Variants in XRCC6 observed in about 807,000 individuals in gnomAD.
XRCC6 encodes the protein DNA repair protein Ku70.
XRCC6 carries 5 observed loss-of-function variants against 65.7 expected under a neutral mutation model. The observed-to-expected ratio is 0.08, with a 90% CI of 0.04 to 0.16. XRCC6 has a LOEUF of 0.16. Ranked by LOEUF, XRCC6 falls within the 10% of genes least tolerant of loss-of-function variation. The pLI is 1.00. For missense variants in XRCC6, 447 were observed against 738.1 expected, an observed-to-expected ratio of 0.61 and a Z score of 4.57; for synonymous variants, 270 against 270.6, an observed-to-expected ratio of 1.00 and a Z score of 0.02.
At chr22:41,648,270 T>C (rs749393771) in intron 7 of XRCC6, 1 of 152,004 alleles carries the variant, frequency 6.6e-6, no homozygotes, top group Non-Finnish European at 1.5e-5. Flanking sequence ...AGTGATATTT[T>C]GATAGCTAGA....
intron 3 of XRCC6, among the ~76,000 whole-genome samples, chr22:41,632,153 GACCGTGGGGAGAGGGAT>G (rs1299481467): frequency 1.7e-3 from 263 of 150,576 alleles, no homozygotes; most frequent in African/African-American, 5.9e-3. Context: ...GGGAGAGGGA[GACCGTGGGGAGAGGGAT>G]AGGGAGAGGG....
intron 6 of XRCC6, among the ~76,000 whole-genome samples, chr22:41,642,630 G>A (rs528791798): frequency 1.3e-5 from 2 of 152,258 alleles, no homozygotes; most frequent in African/African-American, 4.8e-5. Flanking sequence ...TATTTTGATA[G>A]GGATTACATT....
At position 41,663,624 on chromosome 22, in the gene XRCC6, A is replaced by G; in HGVS notation, c.1639A>G (p.Asn547Asp). ...TCTCTCCTGACCTTTCCCCCCAGAT[A>G]ATGAAGGTTCTGGAAGCAAAAGGCC... is the stretch of plus-strand genomic sequence containing the variant. Reference protein sequence around the residue: ...EGKVTKRKHDNEGSGSKRPKV... With the variant: ...EGKVTKRKHDDEGSGSKRPKV... Residue 547 changes from asparagine (N) to aspartate (D), a missense_variant and splice_region_variant, in exon 13 of 13, where the codon AAT (asparagine) becomes GAT (aspartate). Physicochemically the swap from Asn to Asp is conservative, Grantham distance 23. Transcript: ENST00000360079. 1 of 1,611,124 alleles carries G rather than the reference A, an allele frequency of 6.2e-7. No homozygotes were observed.
At chr22:41,630,256 G>T (rs1373360283) in intron 3 of XRCC6, among the ~76,000 whole-genome samples, 1 of 151,650 alleles carries the variant, frequency 6.6e-6, no homozygotes, top group Non-Finnish European at 1.5e-5. Flanking sequence ...TGCTGGGATT[G>T]CAGGCGTGAG....
chr22:41,648,088 C>T (rs1011519209), intron 7 of XRCC6: 2 of 120,492 alleles, frequency 1.7e-5, no homozygotes, highest in East Asian at 2.9e-4. Flanking sequence ...TGTTTCTTTT[C>T]TTTCCGCTAG....
chr22:41,622,420 G>T (rs1466647646), intron 2 of XRCC6, among the ~76,000 whole-genome samples: 2 of 152,094 alleles, frequency 1.3e-5, no homozygotes, highest in African/African-American at 4.8e-5. Context: ...CAGGACCTCA[G>T]TGTAAAAATG....
At chr22:41,643,547 G>A (rs773993529) in intron 6 of XRCC6, among the ~76,000 whole-genome samples, 11 of 152,134 alleles carry the variant, frequency 7.2e-5, no homozygotes, top group South Asian at 2.1e-4. Context: ...CTGGCCGGGC[G>A]CGCTGGCTCA....
chr22:41,624,629 A>G (rs1225043483), intron 2 of XRCC6, among the ~76,000 whole-genome samples: 3 of 148,944 alleles, frequency 2.0e-5, no homozygotes, highest in Non-Finnish European at 4.5e-5. Flanking sequence ...CAGAGCTTGC[A>G]GTGAGCTGAG....
intron 3 of XRCC6, among the ~76,000 whole-genome samples, chr22:41,629,746 T>C (rs1046329079): frequency 6.6e-6 from 1 of 152,170 alleles, no homozygotes; most frequent in African/African-American, 2.4e-5. Flanking sequence ...CTTGGCTCAC[T>C]GCAAGCTCCG....
At chr22:41,633,617 G>A (rs566250940) in intron 3 of XRCC6, among the ~76,000 whole-genome samples, 7 of 152,188 alleles carry the variant, frequency 4.6e-5, no homozygotes, top group East Asian at 3.9e-4. Context: ...TCCTGACCTC[G>A]TGATCTGCCC....
At chr22:41,628,965 CAAAAAA>C (rs11413169) in intron 3 of XRCC6, among the ~76,000 whole-genome samples, 3 of 62,720 alleles carry the variant, frequency 4.8e-5, no homozygotes, top group Admixed American at 2.9e-4. Flanking sequence ...GACTCTGTCT[CAAAAAA>C]AAAAAAAAAA....
chr22:41,631,497 G>A, intron 3 of XRCC6, among the ~76,000 whole-genome samples: 1 of 149,052 alleles, frequency 6.7e-6, no homozygotes, highest in Non-Finnish European at 1.5e-5. Flanking sequence ...ACGGGGTCAC[G>A]GCTGGGCAGA....
rs556347210 is a variant in XRCC6, at chr22:41,630,811, G to A, written c.195+2581G>A. ...CACAGATCAACAGGATCCCAAGGCA[G>A]AAGAATTTTTCTTAGTACAGAACAA... is the stretch of plus-strand genomic sequence containing the variant. On this transcript the variant is annotated intron_variant, in intron 3 of 12. Coordinates refer to ENST00000360079, the MANE Select transcript of XRCC6 (RefSeq NM_001469.5). Among the ~76,000 whole-genome samples, 12 of 152,300 alleles carry A rather than the reference G, an allele frequency of 7.9e-5. No homozygotes were observed. In the East Asian group the frequency reaches 2.3e-3, roughly 29 times the overall value.
intron 3 of XRCC6, 89 bp from the exon 4 acceptor site, chr22:41,636,024 G>A: frequency 8.4e-7 from 1 of 1,197,524 alleles, no homozygotes; most frequent in Non-Finnish European, 1.1e-6. Flanking sequence ...CAAATTCAGT[G>A]CACATATTTT....
intron 12 of XRCC6, 43 bp from the exon 13 acceptor site, chr22:41,663,579 T>C (rs375001061): frequency 8.2e-6 from 13 of 1,575,960 alleles, no homozygotes; most frequent in Admixed American, 1.8e-5. Context: ...ATGCCACTTG[T>C]ATGTAGCATT....
intron 2 of XRCC6, among the ~76,000 whole-genome samples, chr22:41,626,848 G>A (rs546148490): frequency 4.0e-5 from 6 of 151,488 alleles, no homozygotes; most frequent in Non-Finnish European, 5.9e-5. Context: ...CACCGTATTA[G>A]CTAGGATGGT....
At chr22:41,631,777 G>T (rs1473500530) in intron 3 of XRCC6, among the ~76,000 whole-genome samples, 1 of 151,992 alleles carries the variant, frequency 6.6e-6, no homozygotes, top group Non-Finnish European at 1.5e-5. Flanking sequence ...CAAGGCAGGC[G>T]GCTGGGAGGT....
At chr22:41,657,279 A>G (rs2068053263) in intron 10 of XRCC6, among the ~76,000 whole-genome samples, 1 of 152,178 alleles carries the variant, frequency 6.6e-6, no homozygotes, top group Non-Finnish European at 1.5e-5. Context: ...AAATTTGAAA[A>G]AATAGCAGGA....
chr22:41,630,551 G>T (rs8135967), intron 3 of XRCC6, among the ~76,000 whole-genome samples: 7,759 of 150,226 alleles, frequency 0.052, 468 homozygotes, highest in African/African-American at 0.14. Flanking sequence ...TCACAGAGGG[G>T]GATTTGGCAG....
Sources: allele counts gnomAD v4.1 joint callset (sites outside exome capture counted in the v4.1 genomes callset), GRCh38; gene constraint gnomAD v4.1.1; transcripts MANE v1.5; gene names NCBI Gene and HGNC (gene_info 2026-07-23, HGNC 2026-07-21).